USP34: variants seen among roughly 807,000 people sequenced by gnomAD.
USP34 encodes the protein ubiquitin specific peptidase 34.
A neutral mutation model predicts 460.3 loss-of-function variants in USP34; 70 were observed. The ratio of observed to expected loss-of-function variants is 0.15; its 90% CI spans 0.13 to 0.19. The LOEUF is 0.19. Among genes scored for constraint, USP34 ranks in the 10% least tolerant of loss-of-function variants. USP34 has a pLI of 1.00. For synonymous variants in USP34, 1,647 were observed against 1,405.3 expected (o/e 1.17, Z -3.85); for missense variants, 3,985 against 4,236.2 (o/e 0.94, Z 1.65).
At position 61,406,191 on chromosome 2, in the gene USP34, T is replaced by TAA. The variant is rs140185706; in HGVS notation, c.132-65_132-64dup. 3 of 1,346,792 alleles carry TAA rather than the reference T, an allele frequency of 2.2e-6. No individual in the cohort carries two copies. In the Admixed American group the frequency reaches 9.5e-5, roughly 43 times the overall value. The allele number at this position is 1,346,792 out of a possible 1,614,324, so 83.4% of individuals were successfully genotyped here. A position where few individuals can be genotyped will look rare whatever the true frequency, so the allele number is the denominator to read the frequency against. ...GCAGCAGCTGTATTTTTTAATAATATAAAAAAACAAGTAAGCAAATACTAA... is the reference window on the plus strand; with the variant it reads ...GCAGCAGCTGTATTTTTTAATAATATAAAAAAAAACAAGTAAGCAAATACTAA... On this transcript the variant is annotated intron_variant, in intron 2 of 79. Transcript: ENST00000398571.
intron 29 of USP34, 131 bp downstream of exon 29, chr2:61,300,820 G>C: frequency 1.6e-6 from 1 of 609,574 alleles, no homozygotes; most frequent in Non-Finnish European, 2.4e-6. Flanking sequence ...AAAAAAAAAT[G>C]AACAAAAAAA....
At chr2:61,430,030 G>A (rs1201555364) in intron 1 of USP34, among the ~76,000 whole-genome samples, 6 of 152,024 alleles carry the variant, frequency 3.9e-5, no homozygotes, top group African/African-American at 7.2e-5. Flanking sequence ...TGGCTAACAC[G>A]GTGAAACCCC....
chr2:61,336,724 C>A (rs1691428641), intron 18 of USP34, among the ~76,000 whole-genome samples: 1 of 144,388 alleles, frequency 6.9e-6, no homozygotes, highest in South Asian at 2.2e-4. Flanking sequence ...GCAGGAGAAT[C>A]ACTTGAACCC....
chr2:61,241,833 C>G lies in USP34; in HGVS notation c.6628-14G>C. On this transcript the variant is annotated splice_polypyrimidine_tract_variant and intron_variant, in intron 51 of 79. Transcript: ENST00000398571. ...ATAGGTCTTGGTCTGTTTAAAAATA[C>G]AAAAGTTTTACTTCTTTGAAAAAAT... The G allele has an allele frequency of 6.9e-7, 1 of 1,459,842 alleles. No homozygotes were observed. The highest frequency in any genetic ancestry group is 9.2e-7 in the Non-Finnish European group (1 of 1,084,662). The allele number at this position is 1,459,842 out of a possible 1,614,324, so 90.4% of individuals were successfully genotyped here.
At chr2:61,396,054 CAA>C (rs771466849) in intron 3 of USP34, among the ~76,000 whole-genome samples, 32 of 69,754 alleles carry the variant, frequency 4.6e-4, no homozygotes, top group Admixed American at 6.2e-4. Flanking sequence ...AAAACTGTCT[CAA>C]AAAAAAAAAA....
intron 27 of USP34, among the ~76,000 whole-genome samples, chr2:61,302,464 G>A (rs1163441910): frequency 6.6e-6 from 1 of 152,144 alleles, no homozygotes; most frequent in Non-Finnish European, 1.5e-5. Flanking sequence ...GCTAATCATT[G>A]TGTAGCTAAA....
At position 61,203,199 on chromosome 2, in the gene USP34, T is replaced by C. The variant is rs1226494814; in HGVS notation, c.9449A>G (p.His3150Arg). ...DYFFSYHQFI[H>R]LLCRVAINCE... The stretch of plus-strand genomic sequence containing the variant: ...GTTGATTGCAACTCGGCATAATAGA[T>C]GGATGAACTGATGATAAGAAAAGAA... Residue 3150 changes from histidine to arginine, a missense_variant, in exon 75 of 80, where the codon CAT (histidine) becomes CGT (arginine). His to Arg is a conservative substitution (Grantham distance 29, BLOSUM62 0). Transcript: ENST00000398571. 3.1e-6 allele frequency: 5 copies of C among 1,602,078 alleles called. No homozygotes were observed. Among genetic ancestry groups the C allele is most frequent in the African/African-American group, 1.4e-5 (1 of 73,754 alleles).
chr2:61,274,523 C>G (rs72886810), intron 41 of USP34, among the ~76,000 whole-genome samples: 125 of 149,758 alleles, frequency 8.3e-4, no homozygotes, highest in African/African-American at 2.8e-3. Flanking sequence ...TAGTTAAGGA[C>G]TATAACATAC....
At chr2:61,194,177 G>A (rs1409451321) in intron 75 of USP34, 1 of 985,332 alleles carries the variant, frequency 1.0e-6, no homozygotes, top group African/African-American at 1.7e-5. Flanking sequence ...AGGATGCCTA[G>A]GATCCCTTCC....
intron 41 of USP34, among the ~76,000 whole-genome samples, chr2:61,266,527 TAATA>T (rs1383542990): frequency 1.3e-5 from 2 of 152,236 alleles, no homozygotes; most frequent in Non-Finnish European, 2.9e-5. Flanking sequence ...TTCACTCTAC[TAATA>T]AATAATAGCA....
At chr2:61,204,166 T>G in intron 74 of USP34, 90 bp downstream of exon 74, 2 of 1,545,732 alleles carry the variant, frequency 1.3e-6, no homozygotes, top group Non-Finnish European at 1.8e-6. Context: ...AATTGGTCAC[T>G]TAAGTCTAAC....
chr2:61,302,293 C>G (rs958410338), intron 27 of USP34, among the ~76,000 whole-genome samples: 1 of 152,210 alleles, frequency 6.6e-6, no homozygotes, highest in Admixed American at 6.5e-5. Flanking sequence ...GTAAGGCTAT[C>G]GCTTTTCATA....
chr2:61,243,303 C>A (rs373436047), intron 51 of USP34, among the ~76,000 whole-genome samples: 2 of 152,032 alleles, frequency 1.3e-5, no homozygotes, highest in East Asian at 1.9e-4. Context: ...CCCGCCACCA[C>A]GCCCGGCTAA....
chr2:61,291,029 T>C (rs901135934), intron 33 of USP34, among the ~76,000 whole-genome samples: 1 of 152,054 alleles, frequency 6.6e-6, no homozygotes, highest in Non-Finnish European at 1.5e-5. Flanking sequence ...AGGCAACCCA[T>C]AGAACGGGAG....
intron 57 of USP34, among the ~76,000 whole-genome samples, chr2:61,235,459 G>C (rs1688040493): frequency 6.6e-6 from 1 of 151,734 alleles, no homozygotes. Context: ...CCGAGGTGCT[G>C]GGACTACAGG....
At chr2:61,347,349 A>G (rs1691803088) in intron 15 of USP34, among the ~76,000 whole-genome samples, 1 of 152,154 alleles carries the variant, frequency 6.6e-6, no homozygotes, top group Admixed American at 6.5e-5. Context: ...TAACATGATT[A>G]AAATTAACAA....
chr2:61,319,058 C>T, intron 22 of USP34, 115 bp downstream of exon 22: 2 of 1,026,274 alleles, frequency 1.9e-6, no homozygotes, highest in Middle Eastern at 3.3e-4. Flanking sequence ...AAATTCATTA[C>T]ATTTGGCTAC....
At chr2:61,396,656 T>C (rs1320583223) in intron 3 of USP34, among the ~76,000 whole-genome samples, 2 of 151,988 alleles carry the variant, frequency 1.3e-5, no homozygotes, top group Non-Finnish European at 2.9e-5. Context: ...GCCCGGCTAA[T>C]TTTTTGTATT....
chr2:61,436,483 G>A (rs996215052), intron 1 of USP34, among the ~76,000 whole-genome samples: 21 of 152,210 alleles, frequency 1.4e-4, no homozygotes, highest in Admixed American at 1.4e-3. Flanking sequence ...ATATAATAAA[G>A]GCATCAATTC....
Sources: gnomAD v4.1 joint callset for allele counts (sites outside exome capture counted in the v4.1 genomes callset) on GRCh38, gnomAD v4.1.1 for gene constraint, MANE v1.5 for transcripts, NCBI Gene and HGNC (gene_info 2026-07-23, HGNC 2026-07-21) for gene names.